Variants in PRIM2 observed in about 807,000 individuals in gnomAD.
The protein encoded by PRIM2 is DNA primase subunit 2.
In PRIM2, 39 loss-of-function variants were observed where a neutral mutation model predicts 67.3. The observed-to-expected ratio is 0.58, with a 90% confidence interval of 0.45 to 0.76. The LOEUF (loss-of-function observed/expected upper bound fraction) is 0.76, where lower values mean the gene tolerates loss of function less well. Ranked by LOEUF, PRIM2 falls within the 30% of genes least tolerant of loss-of-function variation. The pLI, the probability that PRIM2 is intolerant of heterozygous loss-of-function variation, is 0.00. For synonymous variants in PRIM2, 143 were observed against 198.7 expected, an observed-to-expected ratio of 0.72 and a Z score of 2.36; for missense variants, 398 against 598.7, an observed-to-expected ratio of 0.66 and a Z score of 3.50.
chr6:57,430,779 G>GAA (rs1771800140), intron 7 of PRIM2, among the ~76,000 whole-genome samples: 14 of 151,998 alleles, frequency 9.2e-5, no homozygotes. Flanking sequence ...CTTAAATCTT[G>GAA]AAAAGCTACT....
chr6:57,249,833 C>A, the PRIM2 span, among the ~76,000 whole-genome samples: 5 of 152,168 alleles, frequency 3.3e-5, no homozygotes, highest in African/African-American at 1.2e-4. Flanking sequence ...AGATGGCACA[C>A]TGAGTTTAAG....
chr6:57,262,699 GGCTCAGCCCCAAATA>G, the PRIM2 span, among the ~76,000 whole-genome samples: 286 of 152,236 alleles, frequency 1.9e-3, 1 homozygote, highest in Admixed American at 3.5e-3. Flanking sequence ...GTCCTTCCCT[GGCTCAGCCCCAAATA>G]GCTGGGCTTG....
At chr6:57,588,185 TG>T (rs1324379376) in intron 10 of PRIM2, among the ~76,000 whole-genome samples, 1 of 152,086 alleles carries the variant, frequency 6.6e-6, no homozygotes, top group African/African-American at 2.4e-5. Flanking sequence ...CAGGAATTTT[TG>T]TACCTCCATT....
intron 5 of PRIM2, among the ~76,000 whole-genome samples, chr6:57,359,089 C>T (rs1769118313): frequency 6.6e-6 from 1 of 152,290 alleles, no homozygotes; most frequent in Non-Finnish European, 1.5e-5. Flanking sequence ...CCTTTAAATA[C>T]TAACTCCTCA....
intron 5 of PRIM2, among the ~76,000 whole-genome samples, chr6:57,337,672 G>C (rs1193753828): frequency 6.6e-6 from 1 of 152,042 alleles, no homozygotes; most frequent in East Asian, 1.9e-4. Context: ...CGAGAACAAA[G>C]ACACAACATA....
intron 10 of PRIM2, among the ~76,000 whole-genome samples, chr6:57,540,246 TACAC>T (rs1431731563): frequency 6.6e-6 from 1 of 151,822 alleles, no homozygotes; most frequent in Admixed American, 6.6e-5. Context: ...TTCTGTCACT[TACAC>T]ACACATGCAC....
chr6:57,469,797 T>C (rs1773293196), intron 7 of PRIM2, among the ~76,000 whole-genome samples: 1 of 152,226 alleles, frequency 6.6e-6, no homozygotes, highest in African/African-American at 2.4e-5. Flanking sequence ...TTATCTCATA[T>C]TAATTTATTA....
At chr6:57,243,358 A>C in the PRIM2 span, among the ~76,000 whole-genome samples, 1 of 152,248 alleles carries the variant, frequency 6.6e-6, no homozygotes, top group East Asian at 1.9e-4. Context: ...AGGGGGAAGA[A>C]AGATGAGGAA....
At chr6:57,293,941 T>C in the PRIM2 span, among the ~76,000 whole-genome samples, 1 of 152,146 alleles carries the variant, frequency 6.6e-6, no homozygotes, top group Admixed American at 6.5e-5. Context: ...GTTGTGCACA[T>C]GCACCCTACA....
intron 5 of PRIM2, among the ~76,000 whole-genome samples, chr6:57,358,418 AGT>A (rs1284445791): frequency 1.3e-5 from 2 of 152,210 alleles, no homozygotes; most frequent in African/African-American, 4.8e-5. Context: ...TCCCAGATTC[AGT>A]GTGTGGTGTA....
chr6:57,591,377 G>A (rs1303639269), intron 10 of PRIM2, among the ~76,000 whole-genome samples: 2 of 152,088 alleles, frequency 1.3e-5, no homozygotes, highest in Non-Finnish European at 2.9e-5. Context: ...TTTCCTCCTG[G>A]CAGATTCACT....
At chr6:57,453,001 T>C (rs2127391543) in intron 7 of PRIM2, among the ~76,000 whole-genome samples, 1 of 152,332 alleles carries the variant, frequency 6.6e-6, no homozygotes, top group South Asian at 2.1e-4. Context: ...GCTTTCTACA[T>C]ATGGCTAGCC....
At chr6:57,323,031 C>T (rs1451562471) in intron 3 of PRIM2, among the ~76,000 whole-genome samples, 1 of 151,850 alleles carries the variant, frequency 6.6e-6, no homozygotes, top group Admixed American at 6.6e-5. Context: ...TTCTCTGTGC[C>T]TCAGTTTCCT....
intron 13 of PRIM2, among the ~76,000 whole-genome samples, chr6:57,641,613 C>T (rs1777235044): frequency 6.6e-6 from 1 of 152,016 alleles, no homozygotes; most frequent in Admixed American, 6.6e-5. Flanking sequence ...TTTATGTGGC[C>T]AACAAACATA....
At chr6:57,422,367 C>T (rs1012733379) in intron 7 of PRIM2, among the ~76,000 whole-genome samples, 3 of 151,864 alleles carry the variant, frequency 2.0e-5, no homozygotes, top group African/African-American at 7.3e-5. Context: ...GAACTCCTGA[C>T]CTCAGGTGAT....
At chr6:57,613,869 G>A (rs1776707226) in intron 12 of PRIM2, among the ~76,000 whole-genome samples, 1 of 151,542 alleles carries the variant, frequency 6.6e-6, no homozygotes, top group Non-Finnish European at 1.5e-5. Flanking sequence ...TTAATTTTTT[G>A]AGACAGAGTT....
At chr6:57,255,137 C>A in the PRIM2 span, among the ~76,000 whole-genome samples, 1 of 152,108 alleles carries the variant, frequency 6.6e-6, no homozygotes, top group African/African-American at 2.4e-5. Flanking sequence ...TTTAATTCAC[C>A]TTTTGATCTC....
chr6:57,628,012 A>G (rs1465489470), intron 12 of PRIM2, among the ~76,000 whole-genome samples: 11 of 152,110 alleles, frequency 7.2e-5, no homozygotes, highest in African/African-American at 1.7e-4. Context: ...TATTATTGCA[A>G]TATGCAAGAG....
chr6:57,584,022 C>T (rs1400780551), intron 10 of PRIM2, among the ~76,000 whole-genome samples: 1 of 152,228 alleles, frequency 6.6e-6, no homozygotes, highest in Non-Finnish European at 1.5e-5. Context: ...GTTGTTGAAA[C>T]ATCACTAAGT....
Sources: allele counts gnomAD v4.1 joint callset (sites outside exome capture counted in the v4.1 genomes callset), GRCh38; gene constraint gnomAD v4.1.1; transcripts MANE v1.5; gene names NCBI Gene and HGNC (gene_info 2026-07-23, HGNC 2026-07-21).